The following FHOD3 variants were observed in gnomAD, a reference collection of about 807,000 sequenced individuals.
FHOD3 encodes formin homology 2 domain containing 3.
In FHOD3, 90 loss-of-function variants were observed where a neutral mutation model predicts 173.0. The ratio of observed to expected loss-of-function variants is 0.52; its 90% CI spans 0.44 to 0.62. The LOEUF (loss-of-function observed/expected upper bound fraction) is 0.62. Among genes scored for constraint, FHOD3 ranks in the 20% least tolerant of loss-of-function variants. The probability of loss-of-function intolerance (pLI) is 0.00; values close to 1 mark genes in which losing one functional copy is unlikely to be tolerated. For missense variants in FHOD3, 1,945 were observed against 2,034.7 expected (o/e 0.96, Z 0.85); for synonymous variants, 828 against 823.0 (o/e 1.01, Z -0.10).
At chr18:36,410,746 T>C (rs1023562669) in intron 3 of FHOD3, among the ~76,000 whole-genome samples, 1 of 152,222 alleles carries the variant, frequency 6.6e-6, no homozygotes, top group Non-Finnish European at 1.5e-5. Context: ...GCATTTCCCA[T>C]GTGGCTAATG....
chr18:36,524,558 G>A (rs74405748), intron 5 of FHOD3, among the ~76,000 whole-genome samples: 2,340 of 152,204 alleles, frequency 0.015, 51 homozygotes, highest in African/African-American at 0.051. Flanking sequence ...CGTGAGGAGA[G>A]TGCGCACAGG....
chr18:36,663,214 G>A (rs2036929280), intron 14 of FHOD3, among the ~76,000 whole-genome samples: 1 of 152,182 alleles, frequency 6.6e-6, no homozygotes, highest in Non-Finnish European at 1.5e-5. Context: ...TTGGCAAATA[G>A]TATGAGGCAG....
intron 10 of FHOD3, among the ~76,000 whole-genome samples, chr18:36,638,704 A>G (rs1263451034): frequency 6.6e-6 from 1 of 152,114 alleles, no homozygotes; most frequent in Non-Finnish European, 1.5e-5. Context: ...CTGAGCATTC[A>G]CCTTTTAAAA....
intron 20 of FHOD3, among the ~76,000 whole-genome samples, chr18:36,731,781 T>TGGGAGGGAGCAGTG (rs1474496949): frequency 6.6e-6 from 1 of 152,148 alleles, no homozygotes; most frequent in Non-Finnish European, 1.5e-5. Context: ...GCCCTGGGAA[T>TGGGAGGGAGCAGTG]GGGAGGGAGC....
intron 3 of FHOD3, among the ~76,000 whole-genome samples, chr18:36,453,876 C>T (rs1022500060): frequency 2.0e-5 from 3 of 152,178 alleles, no homozygotes; most frequent in Admixed American, 2.0e-4. Context: ...AATGTAGGCT[C>T]AGTTTTGTGA....
chr18:36,705,332 C>T (rs1420915608), intron 17 of FHOD3, among the ~76,000 whole-genome samples: 2 of 152,198 alleles, frequency 1.3e-5, no homozygotes, highest in Non-Finnish European at 2.9e-5. Context: ...TCCCTCTGCC[C>T]AGGGCATTCT....
At chr18:36,766,727 G>A (rs568789984) in intron 27 of FHOD3, among the ~76,000 whole-genome samples, 14 of 152,306 alleles carry the variant, frequency 9.2e-5, no homozygotes, top group Admixed American at 7.8e-4. Flanking sequence ...TTTCCTTTAA[G>A]CATCTCCTGA....
chr18:36,709,646 A>T, intron 18 of FHOD3: 1 of 462,058 alleles, frequency 2.2e-6, no homozygotes, highest in South Asian at 3.9e-5. Context: ...ACACCTGGGG[A>T]AAAGGGCCCC....
chr18:36,322,987 GC>G (rs2044480186), intron 1 of FHOD3, among the ~76,000 whole-genome samples: 1 of 152,138 alleles, frequency 6.6e-6, no homozygotes, highest in Non-Finnish European at 1.5e-5. Context: ...CCTGTTTTAT[GC>G]AGCATAACAG....
At position 36,461,441 on chromosome 18, in the gene FHOD3, G is replaced by GTTTT. The variant is rs147549416; in HGVS notation, c.338-40485_338-40482dup. Among the ~76,000 whole-genome samples, 16 of 146,164 alleles carry GTTTT rather than the reference G, an allele frequency of 1.1e-4. 1 individual carries two copies. The highest frequency in any genetic ancestry group is 3.4e-4 in the Admixed American group (5 of 14,722). ...GGGAACCCAAATTTGAGCTCAGTCT[G>GTTTT]TTTTTTTTTGTGTGTGTGTTTTTTT... On this transcript the variant is annotated intron_variant, in intron 3 of 28. Transcript: ENST00000590592.
At chr18:36,501,168 G>A (rs946113112) in intron 3 of FHOD3, among the ~76,000 whole-genome samples, 1 of 152,196 alleles carries the variant, frequency 6.6e-6, no homozygotes, top group Non-Finnish European at 1.5e-5. Flanking sequence ...GCTTATGGAA[G>A]TCAGCCCAAG....
chr18:36,664,775 T>TGAGAGAGAGAGA (rs2037046044), intron 14 of FHOD3, among the ~76,000 whole-genome samples: 1 of 73,688 alleles, frequency 1.4e-5, no homozygotes, highest in African/African-American at 4.5e-5. Flanking sequence ...TGTGTGTGTA[T>TGAGAGAGAGAGA]GTGAGAGAGA....
intron 3 of FHOD3, among the ~76,000 whole-genome samples, chr18:36,468,004 G>A (rs1456939916): frequency 1.3e-5 from 2 of 152,324 alleles, no homozygotes; most frequent in South Asian, 2.1e-4. Flanking sequence ...AGGTCTGTCC[G>A]CACAGCAGGA....
At chr18:36,448,070 T>G (rs1157733958) in intron 3 of FHOD3, among the ~76,000 whole-genome samples, 1 of 152,194 alleles carries the variant, frequency 6.6e-6, no homozygotes, top group African/African-American at 2.4e-5. Context: ...GTATAAAAAT[T>G]GAAAGGAAAT....
intron 3 of FHOD3, among the ~76,000 whole-genome samples, chr18:36,486,502 A>G (rs1441568211): frequency 6.6e-6 from 1 of 152,202 alleles, no homozygotes; most frequent in Non-Finnish European, 1.5e-5. Flanking sequence ...AGCTGGGACT[A>G]AAGGTGTGTG....
At chr18:36,694,235 A>C (rs2039129554) in intron 17 of FHOD3, among the ~76,000 whole-genome samples, 1 of 152,266 alleles carries the variant, frequency 6.6e-6, no homozygotes. Context: ...AATTGAAGAC[A>C]GCAGAGGCAT....
chr18:36,775,344 C>G (rs901816456), intron 28 of FHOD3, among the ~76,000 whole-genome samples: 1 of 152,170 alleles, frequency 6.6e-6, no homozygotes, highest in African/African-American at 2.4e-5. Context: ...AAAGTTGGGT[C>G]GATTTCCTGT....
At chr18:36,543,310 T>C (rs1323991087) in intron 5 of FHOD3, among the ~76,000 whole-genome samples, 1 of 152,328 alleles carries the variant, frequency 6.6e-6, no homozygotes, top group South Asian at 2.1e-4. Context: ...ATATATTTTA[T>C]GTATATATGC....
intron 10 of FHOD3, among the ~76,000 whole-genome samples, chr18:36,644,045 C>T (rs55745725): frequency 0.071 from 10,765 of 152,212 alleles, 656 homozygotes; most frequent in East Asian, 0.24. Flanking sequence ...TTGGAAACTA[C>T]GCCCCAAAGA....
Sources: gnomAD v4.1 joint callset for allele counts (sites outside exome capture counted in the v4.1 genomes callset) on GRCh38, gnomAD v4.1.1 for gene constraint, MANE v1.5 for transcripts, NCBI Gene and HGNC (gene_info 2026-07-23, HGNC 2026-07-21) for gene names.